Variants in RIOX2 observed in about 807,000 individuals in gnomAD.
RIOX2 encodes the protein 60S ribosomal protein L27a histidine hydroxylase.
A neutral mutation model predicts 51.2 loss-of-function variants in RIOX2; 43 were observed. The ratio of observed to expected loss-of-function variants is 0.84; its 90% CI spans 0.66 to 1.08. RIOX2 has a LOEUF of 1.08. Among genes scored for constraint, RIOX2 ranks in the 50% least tolerant of loss-of-function variants. RIOX2 has a pLI of 0.00. For synonymous variants in RIOX2, 226 were observed against 218.5 expected (o/e 1.03, Z -0.30); for missense variants, 566 against 561.7 (o/e 1.01, Z -0.08).
chr3:97,944,980 T>G lies in RIOX2; in HGVS notation c.*204A>C. 2.5e-6 allele frequency: 1 copy of G among 407,714 alleles called. No individual in the cohort carries two copies. The highest frequency in any genetic ancestry group is 4.2e-5 in the Admixed American group (1 of 23,900). 25.3% of individuals were successfully genotyped at this position (407,714 alleles called of 1,614,324 possible). On this transcript the variant is annotated 3_prime_UTR_variant, in exon 10 of 10. Coordinates refer to ENST00000394198, the MANE Select transcript of RIOX2 (RefSeq NM_153182.4). Reference sequence around the variant, plus strand: ...GTCAAAATATGGTTTTGTCATTTTCTGAGACACTTGGTAATTTGCTGTTCT... The same window carrying G: ...GTCAAAATATGGTTTTGTCATTTTCGGAGACACTTGGTAATTTGCTGTTCT...
At chr3:97,954,538 TC>T in intron 4 of RIOX2, 43 bp from the exon 5 acceptor site, 2 of 1,455,842 alleles carry the variant, frequency 1.4e-6, no homozygotes, top group South Asian at 2.4e-5. Context: ...TAATAAGTAT[TC>T]CTTCTCAGTC....
At chr3:97,959,292 C>A in intron 3 of RIOX2, 113 bp from the exon 4 acceptor site, 2 of 669,938 alleles carry the variant, frequency 3.0e-6, no homozygotes, top group Non-Finnish European at 2.2e-6. Flanking sequence ...ATAGGTGAAC[C>A]TTGAACAACA....
intron 5 of RIOX2, among the ~76,000 whole-genome samples, chr3:97,952,682 A>C (rs958966876): frequency 6.6e-6 from 1 of 152,200 alleles, no homozygotes; most frequent in Admixed American, 6.5e-5. Context: ...TCAAAGGGCC[A>C]AACTATGTGG....
chr3:97,942,988 C>G lies in RIOX2; in HGVS notation c.*2196G>C. 1 of 442,700 alleles carries G rather than the reference C, an allele frequency of 2.3e-6. No individual in the cohort carries two copies. The highest frequency in any genetic ancestry group is 4.0e-6 in the Non-Finnish European group (1 of 252,268). 27.4% of individuals were successfully genotyped at this position (442,700 alleles called of 1,614,324 possible). On this transcript the variant is annotated 3_prime_UTR_variant, in exon 10 of 10. Transcript: ENST00000394198. ...TGTTCTAAAGAATCACATTAAGGCA[C>G]GCCACTTATACAATCATGTATTATA...
At chr3:97,955,471 G>A (rs1436607941) in intron 4 of RIOX2, among the ~76,000 whole-genome samples, 1 of 151,876 alleles carries the variant, frequency 6.6e-6, no homozygotes, top group African/African-American at 2.4e-5. Context: ...CTAGTGCAAT[G>A]GTTAAGACCA....
chr3:97,967,408 C>T lies in RIOX2; in HGVS notation c.186G>A (p.Lys62=). ...GGTCATCTCTCTGAATGAGAAGGGG[C>T]TTCTGCTCCCAGAATTCCTTGAAAA... ...ETFFKEFWEQ[K]PLLIQRDDPA... The change falls in exon 2 of 10, where the codon AAG becomes AAA. Residue 62 remains lysine (K), a synonymous_variant. Transcript: ENST00000394198. 1 of 1,614,156 alleles carries T rather than the reference C, an allele frequency of 6.2e-7. No individual in the cohort carries two copies. The highest frequency in any genetic ancestry group is 8.5e-7 in the Non-Finnish European group (1 of 1,180,036).
intron 2 of RIOX2, among the ~76,000 whole-genome samples, chr3:97,965,237 C>T (rs1363441002): frequency 1.4e-5 from 2 of 146,058 alleles, no homozygotes; most frequent in Non-Finnish European, 3.0e-5. Flanking sequence ...AAAGGCCCAG[C>T]ACAGTGGCTC....
intron 5 of RIOX2, among the ~76,000 whole-genome samples, chr3:97,953,678 T>G (rs1374381176): frequency 1.3e-5 from 2 of 152,136 alleles, no homozygotes; most frequent in Non-Finnish European, 2.9e-5. Flanking sequence ...CCACCACGCC[T>G]GGCCATGATT....
intron 4 of RIOX2, among the ~76,000 whole-genome samples, chr3:97,956,513 T>C (rs1705456647): frequency 6.6e-6 from 1 of 152,082 alleles, no homozygotes; most frequent in Non-Finnish European, 1.5e-5. Flanking sequence ...TTTTTTTTTT[T>C]GAGACGGAGT....
intron 8 of RIOX2, among the ~76,000 whole-genome samples, chr3:97,946,562 G>A (rs1344590588): frequency 1.5e-5 from 2 of 134,852 alleles, no homozygotes; most frequent in Non-Finnish European, 3.1e-5. Flanking sequence ...AGACAGGGAT[G>A]TAGGAATGTG....
At chr3:97,966,826 A>G (rs1043174477) in intron 2 of RIOX2, among the ~76,000 whole-genome samples, 1 of 152,256 alleles carries the variant, frequency 6.6e-6, no homozygotes, top group Admixed American at 6.5e-5. Flanking sequence ...AGAAATGTCT[A>G]TCATATAGAA....
chr3:97,951,579 T>C (rs1334273915), intron 5 of RIOX2, among the ~76,000 whole-genome samples: 1 of 152,170 alleles, frequency 6.6e-6, no homozygotes, highest in Non-Finnish European at 1.5e-5. Context: ...GTGTAAGAAA[T>C]GCACTCTGTG....
chr3:97,950,778 C>G lies in RIOX2; in HGVS notation c.888+8G>C. The G allele has an allele frequency of 6.2e-7, 1 of 1,612,302 alleles. No homozygotes were observed. On this transcript the variant is annotated splice_region_variant and intron_variant, in intron 6 of 9. Transcript: ENST00000394198. ...CATCCTTCATTCCTACCTGCCTTTA[C>G]TCCTTACCAGGAGCAGCTGCCGGGG... is the stretch of plus-strand genomic sequence containing the variant.
At chr3:97,958,932 G>A (rs1705556918) in intron 4 of RIOX2, 119 bp downstream of exon 4, 3 of 1,142,184 alleles carry the variant, frequency 2.6e-6, no homozygotes, top group Admixed American at 2.8e-5. Flanking sequence ...TGAAACCCAG[G>A]GATATATTCC....
At chr3:97,956,946 C>G (rs2107165165) in intron 4 of RIOX2, among the ~76,000 whole-genome samples, 1 of 152,306 alleles carries the variant, frequency 6.6e-6, no homozygotes, top group South Asian at 2.1e-4. Context: ...GTGACAGCAG[C>G]TGAATTCAAA....
chr3:97,951,267 T>C (rs1201376534), intron 5 of RIOX2: 1 of 189,696 alleles, frequency 5.3e-6, no homozygotes, highest in African/African-American at 2.4e-5. Context: ...ACAGTCATTA[T>C]AGGATCTAAA....
chr3:97,942,094 C>T lies in RIOX2; in HGVS notation c.*3090G>A, dbSNP rs2040243031. ...TATTTCAGTTGGTTTATTTCTGTAC[C>T]ATCTCCTACCCACAGCCGTAAAGAA... On this transcript the variant is annotated 3_prime_UTR_variant, in exon 10 of 10. Transcript: ENST00000394198. 4 of 398,438 alleles carry T rather than the reference C, an allele frequency of 1.0e-5. No homozygotes were observed. The highest frequency in any genetic ancestry group is 1.0e-4 in the South Asian group (1 of 9,584). 24.7% of individuals were successfully genotyped at this position (398,438 alleles called of 1,614,324 possible).
In RIOX2 at chr3:97,967,645, C is replaced by T; in HGVS notation, c.-39-13G>A. The T allele has an allele frequency of 6.7e-7, 1 of 1,495,782 alleles. No individual in the cohort carries two copies. Among genetic ancestry groups the T allele is most frequent in the Non-Finnish European group, 8.9e-7 (1 of 1,126,468 alleles). The allele number at this position is 1,495,782 out of a possible 1,614,324, so 92.7% of individuals were successfully genotyped here. A position where few individuals can be genotyped will look rare whatever the true frequency, so the allele number is the denominator to read the frequency against. ...AGGAAATGCAAACCTACCAAAAGAACAAAACACACATGGTTAGGTTTACAA... is the reference window on the plus strand; with the variant it reads ...AGGAAATGCAAACCTACCAAAAGAATAAAACACACATGGTTAGGTTTACAA... On this transcript the variant is annotated splice_polypyrimidine_tract_variant and intron_variant, in intron 1 of 9. Coordinates refer to ENST00000394198, the MANE Select transcript of RIOX2 (RefSeq NM_153182.4).
intron 5 of RIOX2, among the ~76,000 whole-genome samples, chr3:97,953,001 G>A (rs1036509282): frequency 5.9e-5 from 9 of 152,156 alleles, no homozygotes; most frequent in African/African-American, 2.2e-4. Flanking sequence ...GTCTGATGAG[G>A]AAGCAGAGGT....
Sources: gnomAD v4.1 joint callset for allele counts (sites outside exome capture counted in the v4.1 genomes callset) on GRCh38, gnomAD v4.1.1 for gene constraint, MANE v1.5 for transcripts, NCBI Gene and HGNC (gene_info 2026-07-23, HGNC 2026-07-21) for gene names.